The following CAMTA1 variants were observed in gnomAD, a reference collection of about 807,000 sequenced individuals.
The protein encoded by CAMTA1 is calmodulin-binding transcription activator 1.
In CAMTA1, 27 loss-of-function variants were observed where a neutral mutation model predicts 170.9. The ratio of observed to expected loss-of-function variants is 0.16; its 90% CI spans 0.12 to 0.22. CAMTA1 has a LOEUF of 0.22. Among genes scored for constraint, CAMTA1 ranks in the 10% least tolerant of loss-of-function variants. The pLI is 1.00. For missense variants in CAMTA1, 1,619 were observed against 2,217.2 expected, an observed-to-expected ratio of 0.73 and a Z score of 5.42; for synonymous variants, 833 against 891.5, an observed-to-expected ratio of 0.93 and a Z score of 1.17.
At chr1:6,928,700 C>A (rs964052479) in intron 3 of CAMTA1, among the ~76,000 whole-genome samples, 3 of 152,188 alleles carry the variant, frequency 2.0e-5, no homozygotes, top group Non-Finnish European at 4.4e-5. Flanking sequence ...TTGCCATTCC[C>A]CCTACCTGGG....
chr1:7,670,306 G>A (rs1195205222), intron 9 of CAMTA1, among the ~76,000 whole-genome samples: 3 of 152,182 alleles, frequency 2.0e-5, no homozygotes, highest in East Asian at 1.9e-4. Context: ...GTCTCTGAGC[G>A]TCTCCTTCAC....
At chr1:7,506,508 A>G (rs1182657589) in intron 6 of CAMTA1, among the ~76,000 whole-genome samples, 2 of 152,020 alleles carry the variant, frequency 1.3e-5, no homozygotes, top group Admixed American at 6.6e-5. Flanking sequence ...CTGAAACTCA[A>G]AATTCACACT....
intron 5 of CAMTA1, among the ~76,000 whole-genome samples, chr1:7,335,179 C>T (rs972059244): frequency 1.7e-5 from 1 of 57,694 alleles, no homozygotes; most frequent in African/African-American, 9.6e-5. Flanking sequence ...GGTGTCAGAC[C>T]CCGAGGCTAC....
chr1:7,127,884 C>G (rs1273068421), intron 4 of CAMTA1, among the ~76,000 whole-genome samples: 1 of 152,212 alleles, frequency 6.6e-6, no homozygotes, highest in Non-Finnish European at 1.5e-5. Flanking sequence ...TGGCTGGTGT[C>G]CAGGAACTTG....
At chr1:7,283,894 A>G (rs189352090) in intron 5 of CAMTA1, among the ~76,000 whole-genome samples, 16 of 152,100 alleles carry the variant, frequency 1.1e-4, no homozygotes, top group Non-Finnish European at 2.1e-4. Flanking sequence ...CACAGTGCAG[A>G]CCCCATCAGT....
In CAMTA1 at chr1:7,767,381, T is replaced by A. The variant is rs35705966; in HGVS notation, c.*890T>A. 30,293 of 152,704 alleles carry A rather than the reference T, an allele frequency of 0.2. 3,247 individuals carry two copies. The highest frequency in any genetic ancestry group is 0.27 in the South Asian group (1,320 of 4,822). 9.5% of individuals were successfully genotyped at this position (152,704 alleles called of 1,614,324 possible). ...TTTTTAGTAACCTTGGAAGCTGTAG[T>A]AATTCTAAGGAATCATGAACCTTGC... On this transcript the variant is annotated 3_prime_UTR_variant, in exon 23 of 23. Coordinates refer to ENST00000303635, the MANE Select transcript of CAMTA1 (RefSeq NM_015215.4).
rs1263559618 is a variant in CAMTA1, at chr1:7,685,110, C to T, written c.2914+7377C>T. ...GCGTGTTTTGAGGAGTTCGCAGGCA[C>T]CGTCCTGCGGTCACAGGTGGTGTGT... On this transcript the variant is annotated intron_variant, in intron 11 of 22. Transcript: ENST00000303635. The surrounding 1 kb of genome is among the most constrained non-coding windows in gnomAD (Gnocchi z 5.7). 1.3e-5 allele frequency among the ~76,000 whole-genome samples: 2 copies of T among 152,026 alleles called. No individual in the cohort carries two copies. Among genetic ancestry groups the T allele is most frequent in the African/African-American group, 4.8e-5 (2 of 41,374 alleles).
In CAMTA1 at chr1:7,680,902, GTCC is replaced by G. The variant is rs2096196762; in HGVS notation, c.2914+3170_2914+3172del. Among the ~76,000 whole-genome samples the G allele has an allele frequency of 9.6e-5, 13 of 136,014 alleles. No homozygotes were observed. Among genetic ancestry groups the G allele is most frequent in the Non-Finnish European group, 2.0e-4 (12 of 59,228 alleles). 89.2% of individuals were successfully genotyped at this position (136,014 alleles called of 152,430 possible). A position where few individuals can be genotyped will look rare whatever the true frequency, so the allele number is the denominator to read the frequency against. On this transcript the variant is annotated intron_variant, in intron 11 of 22. Coordinates refer to ENST00000303635, the MANE Select transcript of CAMTA1 (RefSeq NM_015215.4). The surrounding 1 kb of genome is among the most constrained non-coding windows in gnomAD (Gnocchi z 4.4). Reference sequence around the variant, plus strand: ...CAGCAGCTGCTGCGGCGAAGTCTTTGTCCCCGCGGCGCAGCCTTTGTCCCCGCG... The same window carrying G: ...CAGCAGCTGCTGCGGCGAAGTCTTTGCCGCGGCGCAGCCTTTGTCCCCGCG...
At chr1:7,011,288 T>C (rs1245883550) in intron 3 of CAMTA1, among the ~76,000 whole-genome samples, 1 of 152,126 alleles carries the variant, frequency 6.6e-6, no homozygotes, top group African/African-American at 2.4e-5. Context: ...CACTGCAACC[T>C]CTGCCTCTTG....
At chr1:6,898,877 C>G (rs1269411657) in intron 3 of CAMTA1, among the ~76,000 whole-genome samples, 1 of 152,068 alleles carries the variant, frequency 6.6e-6, no homozygotes, top group East Asian at 1.9e-4. Context: ...ATGGGGCCCC[C>G]TGGTTTGTTT....
intron 5 of CAMTA1, among the ~76,000 whole-genome samples, chr1:7,445,173 G>A (rs946564371): frequency 6.6e-6 from 1 of 151,798 alleles, no homozygotes; most frequent in African/African-American, 2.4e-5. Flanking sequence ...ATGTGCAGTA[G>A]CTTGGTGTGG....
chr1:7,729,308 CTG>C (rs2096715195), intron 11 of CAMTA1, among the ~76,000 whole-genome samples: 1 of 151,988 alleles, frequency 6.6e-6, no homozygotes, highest in Admixed American at 6.6e-5. Context: ...TTAGTAGAGA[CTG>C]GGTTTCACCA....
chr1:7,688,304 C>T (rs999837564), intron 11 of CAMTA1, among the ~76,000 whole-genome samples: 7 of 152,160 alleles, frequency 4.6e-5, no homozygotes, highest in Admixed American at 6.5e-5. Flanking sequence ...CATGCCCAGC[C>T]GGACTCCCAT....
At chr1:7,700,309 G>C (rs2096425084) in intron 11 of CAMTA1, among the ~76,000 whole-genome samples, 1 of 152,162 alleles carries the variant, frequency 6.6e-6, no homozygotes, top group Admixed American at 6.5e-5. Flanking sequence ...TGCCTTGTCA[G>C]CTTTACCTGT....
At chr1:6,992,636 T>C (rs1421590749) in intron 3 of CAMTA1, among the ~76,000 whole-genome samples, 1 of 152,172 alleles carries the variant, frequency 6.6e-6, no homozygotes, top group Admixed American at 6.5e-5. Context: ...CTCAGGAAAC[T>C]TTCAATTATG....
rs368876682 is a variant in CAMTA1 at position 7,340,353 on chromosome 1, T to G, written c.438+90727T>G. Among the ~76,000 whole-genome samples, 31 of 152,238 alleles carry G rather than the reference T, an allele frequency of 2.0e-4. No homozygotes were observed. The South Asian group carries it at 3.3e-3, about 16-fold the overall frequency. ...CCCCCACTAGCCTACCCCCGACTTA[T>G]GCTTGTGTCCAGGAAAAGGCATGTG... On this transcript the variant is annotated intron_variant, in intron 5 of 22. Transcript: ENST00000303635.
At chr1:6,938,697 A>G (rs1222226100) in intron 3 of CAMTA1, among the ~76,000 whole-genome samples, 6 of 152,316 alleles carry the variant, frequency 3.9e-5, no homozygotes, top group African/African-American at 1.2e-4. Context: ...TGTCCTGGCC[A>G]CACAGCCTCC....
chr1:7,498,619 AGTGT>A (rs555736487), intron 6 of CAMTA1, among the ~76,000 whole-genome samples: 23 of 151,740 alleles, frequency 1.5e-4, no homozygotes, highest in East Asian at 5.9e-4. Flanking sequence ...ATCTGTGTGC[AGTGT>A]GTGTATGAGT....
intron 16 of CAMTA1, among the ~76,000 whole-genome samples, chr1:7,744,381 C>T (rs182582276): frequency 4.6e-5 from 7 of 152,170 alleles, no homozygotes; most frequent in African/African-American, 1.7e-4. Context: ...ATCCACCCAC[C>T]TCGGCCTCCC....
Sources: allele counts gnomAD v4.1 joint callset (sites outside exome capture counted in the v4.1 genomes callset), GRCh38; gene constraint gnomAD v4.1.1; non-coding constraint Gnocchi (gnomAD v3.1); transcripts MANE v1.5; gene names NCBI Gene and HGNC (gene_info 2026-07-23, HGNC 2026-07-21).